Variants in CAAP1 observed in about 807,000 individuals in gnomAD.
The protein encoded by CAAP1 is conserved anti-apoptotic protein.
A neutral mutation model predicts 34.0 loss-of-function variants in CAAP1; 20 were observed. The ratio of observed to expected loss-of-function variants is 0.59; its 90% CI spans 0.41 to 0.86. CAAP1 has a LOEUF of 0.86. Among genes scored for constraint, CAAP1 ranks in the 40% least tolerant of loss-of-function variants. CAAP1 has a pLI of 0.00. For synonymous variants in CAAP1, 213 were observed against 166.7 expected, an observed-to-expected ratio of 1.28 and a Z score of -2.14; for missense variants, 538 against 450.5, an observed-to-expected ratio of 1.19 and a Z score of -1.76.
chr9:26,862,550 A>C (rs2131311686), intron 4 of CAAP1, among the ~76,000 whole-genome samples: 1 of 152,280 alleles, frequency 6.6e-6, no homozygotes, highest in African/African-American at 2.4e-5. Flanking sequence ...ATTATGAAGA[A>C]TCACCAGACA....
intron 4 of CAAP1, among the ~76,000 whole-genome samples, chr9:26,881,548 A>C (rs1304540734): frequency 2.0e-5 from 3 of 152,200 alleles, no homozygotes; most frequent in Non-Finnish European, 2.9e-5. Flanking sequence ...GCCATATAAG[A>C]AGCGCCTTTT....
At position 26,892,664 on chromosome 9, in the gene CAAP1, C is replaced by G. The variant is rs151094136; in HGVS notation, c.52G>C (p.Glu18Gln). ...REKRRKRSSQ[E>Q]AAAALAAPDI... ...GGGGCCGCGAGCGCTGCGGCCGCCT[C>G]CTGACTGCTACGTTTGCGCCGTTTC... is the stretch of plus-strand genomic sequence containing the variant. The change falls in exon 1 of 6, where the codon GAG becomes CAG. Residue 18 changes from glutamate to glutamine, a missense_variant. Physicochemically the swap from Glu to Gln is conservative, Grantham distance 29. Around this residue, in one of 3 missense-constraint regions of CAAP1, gnomAD observed 514 missense variants for 408.4 expected, o/e 1.26. Transcript: ENST00000333916. 6.2e-7 allele frequency: 1 copy of G among 1,607,090 alleles called. No homozygotes were observed. Among genetic ancestry groups the G allele is most frequent in the Admixed American group, 1.7e-5 (1 of 59,912 alleles).
chr9:26,879,071 T>C (rs1423291936), intron 4 of CAAP1, among the ~76,000 whole-genome samples: 3 of 152,238 alleles, frequency 2.0e-5, no homozygotes, highest in African/African-American at 7.2e-5. Context: ...AAATGTACAC[T>C]GATTCTTTGA....
At chr9:26,863,481 TATTTACA>T in intron 4 of CAAP1, among the ~76,000 whole-genome samples, 1 of 152,144 alleles carries the variant, frequency 6.6e-6, no homozygotes, top group Non-Finnish European at 1.5e-5. Context: ...AAAGGCAAGA[TATTTACA>T]AAAAGGAAAT....
chr9:26,843,450 G>GT (rs1189911956), intron 5 of CAAP1, among the ~76,000 whole-genome samples: 4 of 151,752 alleles, frequency 2.6e-5, no homozygotes, highest in Non-Finnish European at 5.9e-5. Flanking sequence ...TATTGAATAT[G>GT]TTTTTTGTGT....
chr9:26,883,253 T>C (rs1180390264), intron 4 of CAAP1, among the ~76,000 whole-genome samples: 1 of 152,192 alleles, frequency 6.6e-6, no homozygotes, highest in Admixed American at 6.5e-5. Flanking sequence ...ACAGCTCCCA[T>C]AATTCTTACA....
At chr9:26,871,518 A>G (rs1008607341) in intron 4 of CAAP1, among the ~76,000 whole-genome samples, 1 of 151,832 alleles carries the variant, frequency 6.6e-6, no homozygotes, top group African/African-American at 2.4e-5. Context: ...CAGAGGCTGC[A>G]GTGAGCCAAG....
intron 1 of CAAP1, among the ~76,000 whole-genome samples, chr9:26,889,227 G>T (rs1253541032): frequency 6.6e-6 from 1 of 152,024 alleles, no homozygotes; most frequent in Non-Finnish European, 1.5e-5. Context: ...GACCAGCCTG[G>T]CCAACATGGT....
intron 5 of CAAP1, 92 bp from the exon 6 acceptor site, chr9:26,842,739 C>T: frequency 1.9e-6 from 2 of 1,037,354 alleles, no homozygotes; most frequent in South Asian, 3.2e-5. Context: ...GCTTTGATCC[C>T]ACCTCCCACT....
Position 26,887,462 on chromosome 9 carries a change from G to A in CAAP1, c.355C>T (p.His119Tyr). 9.3e-6 allele frequency: 15 copies of A among 1,612,352 alleles called. No individual in the cohort carries two copies. Among genetic ancestry groups the A allele is most frequent in the Non-Finnish European group, 1.3e-5 (15 of 1,179,548 alleles). The part of the protein sequence containing the change: ...TLEKELFLAE[H>Y]SDLEEGGLDL... ...AGTCCACCTTCTTCAAGGTCACTGT[G>A]CTCTGCCAAGAATAATTCTTTTTCC... The change falls in exon 2 of 6, where the codon CAC (histidine) becomes TAC (tyrosine). Residue 119 changes from histidine (H) to tyrosine (Y), a missense_variant. Physicochemically the swap from His to Tyr is moderately conservative, Grantham distance 83. Around this residue, in one of 3 missense-constraint regions of CAAP1, gnomAD observed 514 missense variants for 408.4 expected, o/e 1.26. Coordinates refer to ENST00000333916, the MANE Select transcript of CAAP1 (RefSeq NM_024828.4).
rs1379955101 is a variant in CAAP1 at position 26,887,378 on chromosome 9, G to GC, written c.438dup (p.Leu147AlafsTer19). On this transcript the variant is annotated frameshift_variant, in exon 2 of 6. Coordinates refer to ENST00000333916, the MANE Select transcript of CAAP1 (RefSeq NM_024828.4). LOFTEE classifies it high-confidence loss of function. ...CCTATAATACAGAAGCACTGCTGAAGCATTTCTTTTTTGTCTGATATATAG... is the reference window on the plus strand; with the variant it reads ...CCTATAATACAGAAGCACTGCTGAAGCCATTTCTTTTTTGTCTGATATATAG... The GC allele has an allele frequency of 6.2e-7, 1 of 1,611,538 alleles. No homozygotes were observed. The highest frequency in any genetic ancestry group is 1.3e-5 in the African/African-American group (1 of 74,844).
At chr9:26,867,970 G>A (rs1823177157) in intron 4 of CAAP1, among the ~76,000 whole-genome samples, 1 of 152,188 alleles carries the variant, frequency 6.6e-6, no homozygotes, top group African/African-American at 2.4e-5. Context: ...ACAAGTATGG[G>A]AGGAGGATGG....
chr9:26,854,663 A>G (rs938209559), intron 5 of CAAP1, among the ~76,000 whole-genome samples: 3 of 152,214 alleles, frequency 2.0e-5, no homozygotes, highest in African/African-American at 7.2e-5. Flanking sequence ...TATGTGACAA[A>G]GCACTGGTAT....
chr9:26,841,530 A>G lies in CAAP1; in HGVS notation c.*771T>C, dbSNP rs1822479424. On this transcript the variant is annotated 3_prime_UTR_variant, in exon 6 of 6. Coordinates refer to ENST00000333916, the MANE Select transcript of CAAP1 (RefSeq NM_024828.4). ...GATTCATGGAATTATAGCACATCAG[A>G]TCTTTAAGCAACTACATCAGATAAA... 1 of 152,608 alleles carries G rather than the reference A, an allele frequency of 6.6e-6. No homozygotes were observed. Among genetic ancestry groups the G allele is most frequent in the Admixed American group, 6.5e-5 (1 of 15,268 alleles). 9.5% of individuals were successfully genotyped at this position (152,608 alleles called of 1,614,324 possible). A position where few individuals can be genotyped will look rare whatever the true frequency, so the allele number is the denominator to read the frequency against.
At chr9:26,864,259 T>C (rs1416537943) in intron 4 of CAAP1, among the ~76,000 whole-genome samples, 1 of 152,188 alleles carries the variant, frequency 6.6e-6, no homozygotes, top group Non-Finnish European at 1.5e-5. Context: ...TATAGTTCAA[T>C]GATTTTTTTA....
intron 5 of CAAP1, 87 bp downstream of exon 5, chr9:26,860,979 T>A (rs1235072220): frequency 2.2e-6 from 2 of 905,738 alleles, no homozygotes; most frequent in Non-Finnish European, 3.6e-6. Flanking sequence ...TAAAATGGGG[T>A]GAGTTAGACA....
At chr9:26,876,572 C>T (rs1001909874) in intron 4 of CAAP1, among the ~76,000 whole-genome samples, 1 of 147,630 alleles carries the variant, frequency 6.8e-6, no homozygotes, top group African/African-American at 2.5e-5. Context: ...ATTTATTGTA[C>T]CTTTTCTATG....
At chr9:26,875,331 A>G (rs1823401485) in intron 4 of CAAP1, among the ~76,000 whole-genome samples, 1 of 152,164 alleles carries the variant, frequency 6.6e-6, no homozygotes, top group South Asian at 2.1e-4. Flanking sequence ...GGCTGCAATG[A>G]GCTGAGATCA....
At chr9:26,860,866 T>C (rs574657067) in intron 5 of CAAP1, among the ~76,000 whole-genome samples, 200 bp downstream of exon 5, 2 of 152,308 alleles carry the variant, frequency 1.3e-5, no homozygotes, top group African/African-American at 4.8e-5. Context: ...TCTGGTGGCT[T>C]CTGTAACTAA....
Sources: gnomAD v4.1 joint callset for allele counts (sites outside exome capture counted in the v4.1 genomes callset) on GRCh38, gnomAD v4.1.1 for gene constraint, gnomAD v4.1.1 regional missense constraint, MANE v1.5 for transcripts, NCBI Gene and HGNC (gene_info 2026-07-23, HGNC 2026-07-21) for gene names.